The following NMNAT2 variants were observed in gnomAD, a reference collection of about 807,000 sequenced individuals.
NMNAT2 encodes the protein nicotinamide/nicotinic acid mononucleotide adenylyltransferase 2.
A neutral mutation model predicts 41.6 loss-of-function variants in NMNAT2; 11 were observed. That is an observed-to-expected ratio of 0.26 (90% CI 0.17 to 0.44). The LOEUF is 0.44. Ranked by LOEUF, NMNAT2 falls within the 20% of genes least tolerant of loss-of-function variation. The pLI, the probability that NMNAT2 is intolerant of heterozygous loss-of-function variation, is 1.00. For missense variants in NMNAT2, 288 were observed against 407.7 expected (o/e 0.71, Z 2.53); for synonymous variants, 148 against 151.2 (o/e 0.98, Z 0.16).
At chr1:183,392,484 A>C (rs1648512233) in intron 1 of NMNAT2, among the ~76,000 whole-genome samples, 1 of 152,246 alleles carries the variant, frequency 6.6e-6, no homozygotes. Context: ...CAGCTAGAAC[A>C]AATATAATGA....
Position 183,249,682 on chromosome 1 carries a change from CGTGTGTGTGTGTGTGTGTGTGT to C in NMNAT2, c.*2937_*2958del, listed in dbSNP as rs3841433. On this transcript the variant is annotated 3_prime_UTR_variant, in exon 11 of 11. Transcript: ENST00000287713. ...TTCCCCTAGCAAATGAAGAGTAGGG[CGTGTGTGTGTGTGTGTGTGTGT>C]GTGTGTGTGTGTGTGTGTGTGTGTG... 3.3e-5 allele frequency: 4 copies of C among 119,512 alleles called. No homozygotes were observed. Among genetic ancestry groups the C allele is most frequent in the Non-Finnish European group, 5.2e-5 (3 of 57,488 alleles). 7.4% of individuals were successfully genotyped at this position (119,512 alleles called of 1,614,324 possible).
chr1:183,280,603 T>A (rs570988263), intron 7 of NMNAT2, among the ~76,000 whole-genome samples: 3 of 151,316 alleles, frequency 2.0e-5, no homozygotes, highest in East Asian at 2.0e-4. Context: ...GGCCAGGCAG[T>A]TCTCAAACTC....
At chr1:183,382,406 A>T (rs1663821163) in intron 1 of NMNAT2, among the ~76,000 whole-genome samples, 1 of 152,222 alleles carries the variant, frequency 6.6e-6, no homozygotes, top group Non-Finnish European at 1.5e-5. Context: ...CCCAAATCTC[A>T]AGTCCTTCTC....
At chr1:183,312,190 T>A (rs1662138240) in intron 1 of NMNAT2, among the ~76,000 whole-genome samples, 1 of 152,062 alleles carries the variant, frequency 6.6e-6, no homozygotes, top group African/African-American at 2.4e-5. Context: ...TACTATGAAA[T>A]AGAAGATAAT....
chr1:183,316,148 G>A (rs1662245241), intron 1 of NMNAT2, among the ~76,000 whole-genome samples: 1 of 152,128 alleles, frequency 6.6e-6, no homozygotes, highest in Non-Finnish European at 1.5e-5. Flanking sequence ...CTTGGGAATG[G>A]AGGTGACATC....
chr1:183,379,084 A>ATATC (rs1267657920), intron 1 of NMNAT2, among the ~76,000 whole-genome samples: 1 of 76,250 alleles, frequency 1.3e-5, no homozygotes, highest in Non-Finnish European at 2.9e-5. Flanking sequence ...ATCTATATCT[A>ATATC]TATCTATAAT....
intron 1 of NMNAT2, among the ~76,000 whole-genome samples, chr1:183,337,680 T>G (rs963914668): frequency 6.6e-6 from 1 of 151,994 alleles, no homozygotes; most frequent in Admixed American, 6.6e-5. Flanking sequence ...GCACCAAGGA[T>G]TCAGCCGAAG....
intron 1 of NMNAT2, among the ~76,000 whole-genome samples, chr1:183,317,769 C>T (rs1662283987): frequency 6.6e-6 from 1 of 152,166 alleles, no homozygotes; most frequent in Non-Finnish European, 1.5e-5. Context: ...TGAACCCCCA[C>T]CCAAGTCTAT....
At chr1:183,352,238 T>G (rs1397893140) in intron 1 of NMNAT2, among the ~76,000 whole-genome samples, 2 of 152,062 alleles carry the variant, frequency 1.3e-5, no homozygotes, top group Non-Finnish European at 2.9e-5. Flanking sequence ...GATTACCAAT[T>G]TAATATCCTG....
intron 1 of NMNAT2, among the ~76,000 whole-genome samples, chr1:183,329,386 A>C (rs2102337418): frequency 6.6e-6 from 1 of 152,312 alleles, no homozygotes; most frequent in East Asian, 1.9e-4. Flanking sequence ...CTGGACTCTT[A>C]ATTAGGTAAA....
intron 1 of NMNAT2, among the ~76,000 whole-genome samples, chr1:183,410,752 C>CTT (rs11462316): frequency 0.035 from 5,113 of 145,784 alleles, 219 homozygotes; most frequent in African/African-American, 0.11. Context: ...TTTTAATTTC[C>CTT]TTTTTTTTTT....
At chr1:183,418,064 G>A in intron 1 of NMNAT2, 119 bp downstream of exon 1, 3 of 901,302 alleles carry the variant, frequency 3.3e-6, no homozygotes, top group Admixed American at 4.3e-5. Flanking sequence ...CCAGCTGGAT[G>A]AGCCGGCCCA....
chr1:183,333,412 A>AAATGGG (rs1319232285), intron 1 of NMNAT2, among the ~76,000 whole-genome samples: 1 of 152,240 alleles, frequency 6.6e-6, no homozygotes, highest in Non-Finnish European at 1.5e-5. Flanking sequence ...AAGGATCTTC[A>AAATGGG]AATGGGAAGA....
chr1:183,388,359 G>T (rs532710366), intron 1 of NMNAT2, among the ~76,000 whole-genome samples: 1 of 152,318 alleles, frequency 6.6e-6, no homozygotes, highest in South Asian at 2.1e-4. Flanking sequence ...GGCCCTTCTA[G>T]GGCTTTCTTC....
chr1:183,388,015 A>G (rs1285917824), intron 1 of NMNAT2, among the ~76,000 whole-genome samples: 5 of 152,248 alleles, frequency 3.3e-5, no homozygotes, highest in Admixed American at 6.5e-5. Flanking sequence ...GCTATGTGCC[A>G]GGCACTCTTC....
intron 1 of NMNAT2, among the ~76,000 whole-genome samples, chr1:183,352,571 A>AC: frequency 8.1e-6 from 1 of 124,082 alleles, no homozygotes; most frequent in East Asian, 2.3e-4. Flanking sequence ...TCAAAAAAAA[A>AC]AAAAAAAAAA....
Position 183,352,900 on chromosome 1 carries a change from G to A in NMNAT2, c.86-59107C>T, listed in dbSNP as rs532871640. On this transcript the variant is annotated intron_variant, in intron 1 of 10. Coordinates refer to ENST00000287713, the MANE Select transcript of NMNAT2 (RefSeq NM_015039.4). ...TCAAGAATTCTCTGACTGCTGCTGAGATGAAGTGCTAAGGGGCCTGCATGG... is the reference window on the plus strand; with the variant it reads ...TCAAGAATTCTCTGACTGCTGCTGAAATGAAGTGCTAAGGGGCCTGCATGG... Among the ~76,000 whole-genome samples, 18 of 152,304 alleles carry A rather than the reference G, an allele frequency of 1.2e-4. No individual in the cohort carries two copies. The South Asian group carries it at 3.3e-3, about 28-fold the overall frequency.
chr1:183,362,020 C>T (rs145781087), intron 1 of NMNAT2, among the ~76,000 whole-genome samples: 17 of 152,308 alleles, frequency 1.1e-4, no homozygotes, highest in African/African-American at 3.4e-4. Context: ...TCCCTGCAAC[C>T]TCTGACCCCT....
chr1:183,336,406 G>A (rs552552954), intron 1 of NMNAT2, among the ~76,000 whole-genome samples: 15 of 152,240 alleles, frequency 9.9e-5, no homozygotes, highest in African/African-American at 3.4e-4. Context: ...AAACCAATAT[G>A]TGTTAAAACC....
Sources: gnomAD v4.1 joint callset for allele counts (sites outside exome capture counted in the v4.1 genomes callset) on GRCh38, gnomAD v4.1.1 for gene constraint, MANE v1.5 for transcripts, NCBI Gene and HGNC (gene_info 2026-07-23, HGNC 2026-07-21) for gene names.